Variants in PLEKHG6 observed in about 807,000 individuals in gnomAD.
The protein encoded by PLEKHG6 is pleckstrin homology domain-containing family G member 6.
PLEKHG6 carries 91 observed loss-of-function variants against 97.5 expected under a neutral mutation model. That is an observed-to-expected ratio of 0.93 (90% CI 0.79 to 1.11). PLEKHG6 has a LOEUF of 1.11. Among genes scored for constraint, PLEKHG6 ranks in the 50% most tolerant of loss-of-function variants. The pLI is 0.00. For missense variants in PLEKHG6, 1,044 were observed against 1,031.0 expected (o/e 1.01, Z -0.17); for synonymous variants, 466 against 425.5 (o/e 1.10, Z -1.17).
chr12:6,326,668 G>A (rs768451220), intron 14 of PLEKHG6, 95 bp downstream of exon 14: 2 of 1,216,940 alleles, frequency 1.6e-6, no homozygotes, highest in Non-Finnish European at 2.2e-6. Flanking sequence ...GTGGAATTGG[G>A]AATAGATAGA....
At chr12:6,325,203 C>G (rs1947824423) in intron 13 of PLEKHG6, among the ~76,000 whole-genome samples, 1 of 151,570 alleles carries the variant, frequency 6.6e-6, no homozygotes, top group African/African-American at 2.4e-5. Context: ...AAGCCAACAA[C>G]CGACCTTCTG....
intron 1 of PLEKHG6, among the ~76,000 whole-genome samples, 194 bp from the exon 2 acceptor site, chr12:6,311,965 T>G (rs978779219): frequency 2.0e-5 from 3 of 152,110 alleles, no homozygotes; most frequent in African/African-American, 7.2e-5. Flanking sequence ...CTACCCAATA[T>G]GTACCTGGAC....
chr12:6,315,693 T>C lies in PLEKHG6; in HGVS notation c.555+44T>C. The C allele has an allele frequency of 7.5e-7, 1 of 1,325,180 alleles. No homozygotes were observed. Among genetic ancestry groups the C allele is most frequent in the Non-Finnish European group, 1.1e-6 (1 of 948,496 alleles). 82.1% of individuals were successfully genotyped at this position (1,325,180 alleles called of 1,614,324 possible). On this transcript the variant is annotated intron_variant, in intron 5 of 15. Transcript: ENST00000684764. This position sits in a 1 kb window ranked among gnomAD's most constrained non-coding sequence, Gnocchi z 4.5. ...CAGCCCCGGCCCCATCTTCCCTGCA[T>C]GAGCCCCCATCCTCCCAGACTGGAA...
rs371891564 is a variant in PLEKHG6, at chr12:6,312,090, C to G, written c.-68-69C>G. 9 of 707,142 alleles carry G rather than the reference C, an allele frequency of 1.3e-5. No individual in the cohort carries two copies. In the African/African-American group the frequency reaches 1.5e-4, roughly 12 times the overall value. The allele number at this position is 707,142 out of a possible 1,614,324, so 43.8% of individuals were successfully genotyped here. Reference sequence around the variant, plus strand: ...CCTCCCTCCCAGGCCCCCTACCAGCCTTGGTCTCCCGCCTGGTGCCATTCA... The same window carrying G: ...CCTCCCTCCCAGGCCCCCTACCAGCGTTGGTCTCCCGCCTGGTGCCATTCA... On this transcript the variant is annotated intron_variant, in intron 1 of 15. Transcript: ENST00000684764.
At chr12:6,324,299 C>G (rs61571919) in intron 13 of PLEKHG6, among the ~76,000 whole-genome samples, 64,644 of 147,558 alleles carry the variant, frequency 0.44, 14,738 homozygotes, top group Non-Finnish European at 0.49. Flanking sequence ...CCCTCCCCCC[C>G]CCGCCGCCTC....
At chr12:6,313,452 C>T (rs1260268385) in intron 2 of PLEKHG6, among the ~76,000 whole-genome samples, 177 bp from the exon 3 acceptor site, 3 of 152,158 alleles carry the variant, frequency 2.0e-5, no homozygotes, top group Non-Finnish European at 4.4e-5. Flanking sequence ...CGGCAGTGGC[C>T]GCTGTGACTC....
intron 13 of PLEKHG6, among the ~76,000 whole-genome samples, chr12:6,319,984 TGTCAGGGA>T (rs1243375600): frequency 1.3e-5 from 2 of 152,104 alleles, no homozygotes; most frequent in African/African-American, 4.8e-5. Context: ...CCTAGGAGTA[TGTCAGGGA>T]GTCAGGGTGG....
intron 7 of PLEKHG6, among the ~76,000 whole-genome samples, 172 bp from the exon 8 acceptor site, chr12:6,317,131 G>A (rs1422499909): frequency 6.6e-6 from 1 of 152,228 alleles, no homozygotes; most frequent in African/African-American, 2.4e-5. Context: ...AGAGAAAGGG[G>A]CGTAGCCTCG....
chr12:6,316,010 C>A lies in PLEKHG6; in HGVS notation c.606+91C>A. ...CCCTCCAGCCATCCCTGTCTGAATTCCCACTGCCCCGTTTTTTGGGATGCC... is the reference window on the plus strand; with the variant it reads ...CCCTCCAGCCATCCCTGTCTGAATTACCACTGCCCCGTTTTTTGGGATGCC... On this transcript the variant is annotated intron_variant, in intron 6 of 15. Coordinates refer to ENST00000684764, the MANE Select transcript of PLEKHG6 (RefSeq NM_001384598.1). This position sits in a 1 kb window ranked among gnomAD's most constrained non-coding sequence, Gnocchi z 4.1. 1 of 1,231,100 alleles carries A rather than the reference C, an allele frequency of 8.1e-7. No individual in the cohort carries two copies. The highest frequency in any genetic ancestry group is 1.4e-5 in the South Asian group (1 of 70,134). The allele number at this position is 1,231,100 out of a possible 1,614,324, so 76.3% of individuals were successfully genotyped here. A position where few individuals can be genotyped will look rare whatever the true frequency, so the allele number is the denominator to read the frequency against.
In PLEKHG6 at chr12:6,327,686, T is replaced by G; in HGVS notation, c.2103T>G (p.Ala701=). The change falls in exon 15 of 16, where the codon GCT becomes GCG. Residue 701 remains alanine, a synonymous_variant. Coordinates refer to ENST00000684764, the MANE Select transcript of PLEKHG6 (RefSeq NM_001384598.1). Reference sequence around the variant, plus strand: ...AGCTTCCCTCCTCCCCAACCCATGCTGACTCTGCCGGGGAAAGCCCCTGGG... The same window carrying G: ...AGCTTCCCTCCTCCCCAACCCATGCGGACTCTGCCGGGGAAAGCCCCTGGG... ...RGQLPSSPTH[A]DSAGESPWES... The G allele has an allele frequency of 1.9e-6, 3 of 1,563,846 alleles. No individual in the cohort carries two copies. Among genetic ancestry groups the G allele is most frequent in the Non-Finnish European group, 2.6e-6 (3 of 1,152,516 alleles).
In PLEKHG6 at chr12:6,315,698, C is replaced by A. The variant is rs781268982; in HGVS notation, c.555+49C>A. On this transcript the variant is annotated intron_variant, in intron 5 of 15. Transcript: ENST00000684764. The surrounding 1 kb of genome is among the most constrained non-coding windows in gnomAD (Gnocchi z 4.5). ...CCGGCCCCATCTTCCCTGCATGAGCCCCCATCCTCCCAGACTGGAAGGCAG... is the reference window on the plus strand; with the variant it reads ...CCGGCCCCATCTTCCCTGCATGAGCACCCATCCTCCCAGACTGGAAGGCAG... 4 of 1,302,282 alleles carry A rather than the reference C, an allele frequency of 3.1e-6. No individual in the cohort carries two copies. The East Asian group carries it at 7.6e-5, about 25-fold the overall frequency. The allele number at this position is 1,302,282 out of a possible 1,614,324, so 80.7% of individuals were successfully genotyped here. A position where few individuals can be genotyped will look rare whatever the true frequency, so the allele number is the denominator to read the frequency against.
intron 13 of PLEKHG6, among the ~76,000 whole-genome samples, chr12:6,321,098 C>T (rs894738078): frequency 6.6e-6 from 1 of 152,002 alleles, no homozygotes; most frequent in African/African-American, 2.4e-5. Context: ...CAGCTCACTG[C>T]CGCCTCAACT....
At chr12:6,319,453 G>GAA in intron 13 of PLEKHG6, 5 of 1,229,148 alleles carry the variant, frequency 4.1e-6, no homozygotes, top group South Asian at 1.7e-5. Context: ...GAAGAAGAAG[G>GAA]AAAAAAAAAA....
Position 6,313,145 on chromosome 12 carries a change from A to T in PLEKHG6, c.139-484A>T. ...CAGAAGGGCAGCCACTCCCAGCTGG[A>T]TGGGATGCAGGCTGCACGCCCCTGG... On this transcript the variant is annotated intron_variant, in intron 2 of 15. Transcript: ENST00000684764. The T allele has an allele frequency of 1.9e-6, 3 of 1,547,316 alleles. 1 individual carries two copies. In the South Asian group the frequency reaches 3.6e-5, roughly 18 times the overall value.
rs767353137 is a variant in PLEKHG6 at position 6,327,250 on chromosome 12, G to A, written c.1671-4G>A. On this transcript the variant is annotated splice_polypyrimidine_tract_variant and splice_region_variant and intron_variant, in intron 14 of 15. Coordinates refer to ENST00000684764, the MANE Select transcript of PLEKHG6 (RefSeq NM_001384598.1). ...CGCATCTGACTCTTTGCCATTAACT[G>A]TAGGACTCCTGAGTTCTCGACCATT... 10 of 1,569,890 alleles carry A rather than the reference G, an allele frequency of 6.4e-6. No homozygotes were observed. Among genetic ancestry groups the A allele is most frequent in the Non-Finnish European group, 8.7e-6 (10 of 1,152,028 alleles).
intron 13 of PLEKHG6, among the ~76,000 whole-genome samples, chr12:6,321,788 C>T (rs1947710963): frequency 1.4e-5 from 2 of 140,682 alleles, no homozygotes; most frequent in Non-Finnish European, 3.0e-5. Flanking sequence ...GATCGCGCCA[C>T]TGCACTCCAG....
rs554857603 is a variant in PLEKHG6, at chr12:6,312,064, C to A, written c.-68-95C>A. The A allele has an allele frequency of 6.2e-4, 324 of 526,160 alleles. 5 individuals carry two copies. In the South Asian group the frequency reaches 8.9e-3, roughly 15 times the overall value. The allele number at this position is 526,160 out of a possible 1,614,324, so 32.6% of individuals were successfully genotyped here. A position where few individuals can be genotyped will look rare whatever the true frequency, so the allele number is the denominator to read the frequency against. On this transcript the variant is annotated intron_variant, in intron 1 of 15. Transcript: ENST00000684764. ...CTTGGCCCTCTCCTCCCCCACTATA[C>A]CCTCCCTCCCAGGCCCCCTACCAGC...
At chr12:6,317,834 C>A (rs936543748) in intron 9 of PLEKHG6, 23 bp from the exon 10 acceptor site, 1 of 1,542,376 alleles carries the variant, frequency 6.5e-7, no homozygotes, top group East Asian at 2.4e-5. Context: ...CGTCCCTCCT[C>A]CCACACCCCC....
At chr12:6,326,675 T>C (rs1388121007) in intron 14 of PLEKHG6, 102 bp downstream of exon 14, 34 of 1,163,318 alleles carry the variant, frequency 2.9e-5, no homozygotes, top group Non-Finnish European at 3.6e-5. Flanking sequence ...TGGGAATAGA[T>C]AGAGGAACGC....
Sources: allele counts gnomAD v4.1 joint callset (sites outside exome capture counted in the v4.1 genomes callset), GRCh38; gene constraint gnomAD v4.1.1; non-coding constraint Gnocchi (gnomAD v3.1); transcripts MANE v1.5; gene names NCBI Gene and HGNC (gene_info 2026-07-23, HGNC 2026-07-21).